The following SOX6 variants were observed in gnomAD, a reference collection of about 807,000 sequenced individuals.
SOX6 encodes SRY-box transcription factor 6.
A neutral mutation model predicts 97.8 loss-of-function variants in SOX6; 11 were observed. That is an observed-to-expected ratio of 0.11 (90% confidence interval 0.07 to 0.19). The LOEUF is 0.19. SOX6 is among the 10% of genes least tolerant of loss of function. The probability of loss-of-function intolerance (pLI) is 1.00; values close to 1 mark genes in which losing one functional copy is unlikely to be tolerated. For synonymous variants in SOX6, 360 were observed against 371.4 expected (o/e 0.97, Z 0.35); for missense variants, 810 against 1,039.5 (o/e 0.78, Z 3.04).
chr11:16,228,166 C>A (rs1234924263), intron 4 of SOX6, among the ~76,000 whole-genome samples: 1 of 150,654 alleles, frequency 6.6e-6, no homozygotes. Context: ...CCAATGCACT[C>A]CTGCCTAGGC....
intron 3 of SOX6, among the ~76,000 whole-genome samples, chr11:16,650,941 A>C (rs1847641100): frequency 6.6e-6 from 1 of 152,162 alleles, no homozygotes; most frequent in Non-Finnish European, 1.5e-5. Flanking sequence ...GAAACAAGAG[A>C]TATTACAACC....
chr11:16,433,885 T>C (rs1301823890), intron 1 of SOX6, among the ~76,000 whole-genome samples: 2 of 152,068 alleles, frequency 1.3e-5, no homozygotes, highest in South Asian at 2.1e-4. Flanking sequence ...TAATATTCAG[T>C]AGCAAACTAA....
At chr11:16,575,652 T>C (rs1847980044) in intron 4 of SOX6, among the ~76,000 whole-genome samples, 1 of 152,126 alleles carries the variant, frequency 6.6e-6, no homozygotes, top group African/African-American at 2.4e-5. Flanking sequence ...ATATAATGCA[T>C]AAAAACGGGC....
At chr11:16,694,438 G>A (rs1229195664) in intron 3 of SOX6, among the ~76,000 whole-genome samples, 2 of 152,082 alleles carry the variant, frequency 1.3e-5, no homozygotes, top group South Asian at 2.1e-4. Context: ...CAGGAGGATC[G>A]CTTGAGCCCA....
intron 6 of SOX6, among the ~76,000 whole-genome samples, chr11:16,137,244 T>A (rs1186190086): frequency 6.6e-6 from 1 of 152,002 alleles, no homozygotes; most frequent in Non-Finnish European, 1.5e-5. Flanking sequence ...GAAATCACCC[T>A]GGGCAACATG....
At position 16,028,925 on chromosome 11, in the gene SOX6, TTTG is replaced by T. The variant is rs1289718023; in HGVS notation, c.1624-13878_1624-13876del. Among the ~76,000 whole-genome samples, 17 of 152,332 alleles carry T rather than the reference TTTG, an allele frequency of 1.1e-4. No individual in the cohort carries two copies. In the East Asian group the frequency reaches 2.9e-3, roughly 26 times the overall value. On this transcript the variant is annotated intron_variant, in intron 12 of 15. Coordinates refer to ENST00000683767, the MANE Select transcript of SOX6 (RefSeq NM_001367873.1). Reference sequence around the variant, plus strand: ...TGTATATTTTGGGTAGAGCTTTGTGTTTGTTGTCATTATATTAGGAAAAAACAA... The same window carrying T: ...TGTATATTTTGGGTAGAGCTTTGTGTTTGTCATTATATTAGGAAAAAACAA...
At chr11:16,534,571 T>C (rs893507606) in intron 4 of SOX6, among the ~76,000 whole-genome samples, 1 of 152,158 alleles carries the variant, frequency 6.6e-6, no homozygotes, top group Non-Finnish European at 1.5e-5. Context: ...TACTTTCCCA[T>C]AGAAACAATG....
chr11:16,232,073 A>C (rs1164346953), intron 4 of SOX6, among the ~76,000 whole-genome samples: 1 of 151,874 alleles, frequency 6.6e-6, no homozygotes, highest in Non-Finnish European at 1.5e-5. Context: ...GCTATCAAAA[A>C]TACACAATGC....
chr11:16,660,741 T>C (rs1033383456), intron 3 of SOX6, among the ~76,000 whole-genome samples: 1 of 152,094 alleles, frequency 6.6e-6, no homozygotes, highest in African/African-American at 2.4e-5. Flanking sequence ...ATAAAAGAGA[T>C]CCCAGACAGC....
At chr11:16,685,684 G>C (rs891429649) in intron 3 of SOX6, among the ~76,000 whole-genome samples, 1 of 152,266 alleles carries the variant, frequency 6.6e-6, no homozygotes, top group Non-Finnish European at 1.5e-5. Flanking sequence ...CTGGGAACAA[G>C]GTGCAAGCTG....
intron 3 of SOX6, among the ~76,000 whole-genome samples, chr11:16,712,757 A>C (rs1211333646): frequency 1.3e-5 from 2 of 152,180 alleles, no homozygotes; most frequent in African/African-American, 4.8e-5. Context: ...GGCACTTACT[A>C]TATAATTGTT....
chr11:16,355,900 G>A (rs1419910673), intron 1 of SOX6, among the ~76,000 whole-genome samples, 194 bp downstream of exon 1: 1 of 152,034 alleles, frequency 6.6e-6, no homozygotes, highest in Non-Finnish European at 1.5e-5. Flanking sequence ...TAAATAGTCT[G>A]TTGCAATTCC....
chr11:16,350,468 T>G (rs1856912346), intron 1 of SOX6, among the ~76,000 whole-genome samples: 1 of 152,166 alleles, frequency 6.6e-6, no homozygotes, highest in African/African-American at 2.4e-5. Context: ...AATAATATAA[T>G]ACAATTTTTT....
intron 4 of SOX6, 72 bp downstream of exon 4, chr11:16,234,510 C>T (rs1254961977): frequency 2.3e-6 from 2 of 874,534 alleles, no homozygotes; most frequent in African/African-American, 3.3e-5. Context: ...TACAGAAGAT[C>T]AGCAAATACA....
intron 4 of SOX6, among the ~76,000 whole-genome samples, chr11:16,527,527 CT>C (rs2133166861): frequency 6.6e-6 from 1 of 152,240 alleles, no homozygotes; most frequent in South Asian, 2.1e-4. Context: ...TCCAAATTAT[CT>C]TTTCCCACCC....
At chr11:16,336,366 T>C (rs1261895896) in intron 2 of SOX6, among the ~76,000 whole-genome samples, 1 of 152,144 alleles carries the variant, frequency 6.6e-6, no homozygotes, top group East Asian at 1.9e-4. Context: ...ACCAACGTCA[T>C]TTCTTGTCAT....
At chr11:16,181,209 T>G (rs1356662969) in intron 6 of SOX6, among the ~76,000 whole-genome samples, 1 of 151,692 alleles carries the variant, frequency 6.6e-6, no homozygotes, top group East Asian at 1.9e-4. Context: ...GCTGACCATG[T>G]AAGCTAATAG....
chr11:16,524,143 C>T (rs953185342), intron 4 of SOX6, among the ~76,000 whole-genome samples: 26 of 152,306 alleles, frequency 1.7e-4, no homozygotes, highest in Admixed American at 6.5e-4. Context: ...ACAGCATCAT[C>T]CTGATACCAA....
At chr11:16,226,219 A>G (rs1318039707) in intron 4 of SOX6, among the ~76,000 whole-genome samples, 2 of 152,210 alleles carry the variant, frequency 1.3e-5, no homozygotes, top group Non-Finnish European at 2.9e-5. Flanking sequence ...AAGAACATCT[A>G]CCTTGATCCC....
Sources: allele counts gnomAD v4.1 joint callset (sites outside exome capture counted in the v4.1 genomes callset), GRCh38; gene constraint gnomAD v4.1.1; transcripts MANE v1.5; gene names NCBI Gene and HGNC (gene_info 2026-07-23, HGNC 2026-07-21).